MYBBP1A: variants seen among roughly 807,000 people sequenced by gnomAD.
MYBBP1A encodes the protein myb-binding protein 1A.
MYBBP1A carries 147 observed loss-of-function variants against 136.3 expected under a neutral mutation model. The observed-to-expected ratio is 1.08, with a 90% CI of 0.94 to 1.24. MYBBP1A has a LOEUF of 1.24. MYBBP1A is among the 50% of genes most tolerant of loss of function. The pLI is 0.00. For missense variants in MYBBP1A, 2,060 were observed against 1,727.4 expected (o/e 1.19, Z -3.41); for synonymous variants, 947 against 735.8 (o/e 1.29, Z -4.65).
chr17:4,545,183 G>A lies in MYBBP1A; in HGVS notation c.2161-8C>T. 2 of 1,613,208 alleles carry A rather than the reference G, an allele frequency of 1.2e-6. No homozygotes were observed. The highest frequency in any genetic ancestry group is 1.7e-6 in the Non-Finnish European group (2 of 1,179,942). Reference sequence around the variant, plus strand: ...ACCTTCCTCGCTCTTGTCCTGTGTGGTAGAGGCAGGCGCGTCACACACCTC... The same window carrying A: ...ACCTTCCTCGCTCTTGTCCTGTGTGATAGAGGCAGGCGCGTCACACACCTC... On this transcript the variant is annotated splice_region_variant and splice_polypyrimidine_tract_variant and intron_variant, in intron 16 of 25. Coordinates refer to ENST00000254718, the MANE Select transcript of MYBBP1A (RefSeq NM_014520.4).
At position 4,548,471 on chromosome 17, in the gene MYBBP1A, C is replaced by T. The variant is rs756634124; in HGVS notation, c.1556+53G>A. ...GCTTAGGGGACCTGGAGGGAGCAGG[C>T]GCCCTCAAGGCCTTCCCACCTTCGG... On this transcript the variant is annotated intron_variant, in intron 11 of 25. Coordinates refer to ENST00000254718, the MANE Select transcript of MYBBP1A (RefSeq NM_014520.4). The surrounding 1 kb of genome is among the most constrained non-coding windows in gnomAD (Gnocchi z 4.2). 15 of 1,612,328 alleles carry T rather than the reference C, an allele frequency of 9.3e-6. No homozygotes were observed. Among genetic ancestry groups the T allele is most frequent in the East Asian group, 8.9e-5 (4 of 44,882 alleles).
At chr17:4,540,560 C>A in intron 24 of MYBBP1A, 76 bp from the exon 25 acceptor site, 2 of 1,463,152 alleles carry the variant, frequency 1.4e-6, no homozygotes. Flanking sequence ...CTTCCCACCT[C>A]TGCCCTGTTG....
At chr17:4,540,232 G>A in intron 25 of MYBBP1A, 116 bp downstream of exon 25, 1 of 1,371,374 alleles carries the variant, frequency 7.3e-7, no homozygotes, top group Non-Finnish European at 9.8e-7. Context: ...GTGTGCAGCA[G>A]CATGCGTGTG....
rs773733482 is a variant in MYBBP1A at position 4,549,398 on chromosome 17, C to A, written c.1364G>T (p.Arg455Leu). The change falls in exon 10 of 26, where the codon CGA (arginine) becomes CTA (leucine). Residue 455 changes from arginine (R) to leucine (L), a missense_variant. Physicochemically the swap from Arg to Leu is moderately radical, Grantham distance 102. Transcript: ENST00000254718. ...CAGGCTGTCCACAATGCTCACCAAT[C>A]GAAAGATGATCCATTTCCTCAGCCG... The part of the protein sequence containing the change: ...VFRLRKWIIF[R>L]LVSIVDSLHL... 2.5e-6 allele frequency: 4 copies of A among 1,613,210 alleles called. No homozygotes were observed. The highest frequency in any genetic ancestry group is 2.2e-5 in the East Asian group (1 of 44,892).
In MYBBP1A at chr17:4,554,902, G is replaced by A; in HGVS notation, c.253C>T (p.Arg85Ter). The A allele has an allele frequency of 6.2e-7, 1 of 1,613,448 alleles. No individual in the cohort carries two copies. Among genetic ancestry groups the A allele is most frequent in the Non-Finnish European group, 8.5e-7 (1 of 1,180,014 alleles). The change falls in exon 2 of 26, where the codon CGA (arginine) becomes TGA (stop). Residue 85 changes from arginine (R) to a stop codon, truncating the protein, a stop_gained. Transcript: ENST00000254718. LOFTEE classifies it high-confidence loss of function. ...CTGTAGCAGGGCCGGGCTGTTTCTCGCCCGACCCCGAGTCCCGTGATTAGA... is the reference window on the plus strand; with the variant it reads ...CTGTAGCAGGGCCGGGCTGTTTCTCACCCGACCCCGAGTCCCGTGATTAGA... ...KRLITGLGVG[R>*]ETARPCYSLA...
chr17:4,541,964 C>A, intron 22 of MYBBP1A, 73 bp from the exon 23 acceptor site: 1 of 1,210,614 alleles, frequency 8.3e-7, no homozygotes, highest in Admixed American at 1.9e-5. Context: ...TGCATGAGGG[C>A]TCGGGGGCCC....
intron 2 of MYBBP1A, 119 bp from the exon 3 acceptor site, chr17:4,554,397 C>T (rs994920786): frequency 1.3e-6 from 1 of 788,884 alleles, no homozygotes; most frequent in Non-Finnish European, 2.1e-6. Flanking sequence ...GGTCCCTAGT[C>T]CCACCTTCTA....
intron 25 of MYBBP1A, among the ~76,000 whole-genome samples, 190 bp downstream of exon 25, chr17:4,540,158 C>CCCCTGGGTCCTGCGAGGG (rs1278811291): frequency 8.0e-6 from 1 of 124,978 alleles, no homozygotes; most frequent in African/African-American, 4.0e-5. Flanking sequence ...TCCTGCGAGG[C>CCCCTGGGTCCTGCGAGGG]TCCTGCGAGG....
rs769041923 is a variant in MYBBP1A at position 4,543,184 on chromosome 17, A to G, written c.2640-19T>C. On this transcript the variant is annotated intron_variant, in intron 19 of 25. Transcript: ENST00000254718. ...GTGGTGCCTGTGGGTGGTGAGGACGAGAGCTGGTCAGAACATTCTCGGTCC... is the reference window on the plus strand; with the variant it reads ...GTGGTGCCTGTGGGTGGTGAGGACGGGAGCTGGTCAGAACATTCTCGGTCC... 2.5e-6 allele frequency: 4 copies of G among 1,587,324 alleles called. No individual in the cohort carries two copies. The East Asian group carries it at 6.7e-5, about 27-fold the overall frequency.
At position 4,545,128 on chromosome 17, in the gene MYBBP1A, CTCTTCACTCTCT is replaced by C. The variant is rs1265345362; in HGVS notation, c.2196_2207del (p.Glu736_Glu739del). The stretch of plus-strand genomic sequence containing the variant: ...CCTCGCTCTCCTCCCCCTCGCTCTC[CTCTTCACTCTCT>C]GAGCTTCTGTTGTCCTCACCTTCCT... On this transcript the variant is annotated inframe_deletion, in exon 17 of 26. Transcript: ENST00000254718. 1.2e-6 allele frequency: 2 copies of C among 1,612,858 alleles called. No individual in the cohort carries two copies. Among genetic ancestry groups the C allele is most frequent in the African/African-American group, 1.3e-5 (1 of 74,882 alleles).
At position 4,538,935 on chromosome 17, in the gene MYBBP1A, C is replaced by T. The variant is rs1368227387; in HGVS notation, c.*480G>A. 1.3e-6 allele frequency: 1 copy of T among 783,314 alleles called. No homozygotes were observed. Among genetic ancestry groups the T allele is most frequent in the South Asian group, 1.3e-5 (1 of 74,656 alleles). The allele number at this position is 783,314 out of a possible 1,614,324, so 48.5% of individuals were successfully genotyped here. ...CCTCTTCCTTCCGGAAGCCAAACTG[C>T]TCCTTTATTTTTTAGAGCTGCTGAT... is the stretch of plus-strand genomic sequence containing the variant. On this transcript the variant is annotated 3_prime_UTR_variant, in exon 26 of 26. Transcript: ENST00000254718.
chr17:4,555,008 C>T (rs1229795866), intron 1 of MYBBP1A, 52 bp from the exon 2 acceptor site: 5 of 1,601,782 alleles, frequency 3.1e-6, no homozygotes, highest in Non-Finnish European at 4.3e-6. Flanking sequence ...AGGTGCACGC[C>T]CCCGCGCACC....
chr17:4,552,093 G>A lies in MYBBP1A; in HGVS notation c.905+32C>T. The A allele has an allele frequency of 3.1e-6, 5 of 1,605,290 alleles. No homozygotes were observed. Among genetic ancestry groups the A allele is most frequent in the Non-Finnish European group, 4.3e-6 (5 of 1,175,028 alleles). On this transcript the variant is annotated intron_variant, in intron 7 of 25. Transcript: ENST00000254718. This position sits in a 1 kb window ranked among gnomAD's most constrained non-coding sequence, Gnocchi z 4.7. ...CCTAGCCCACTTCACGGACAGGGAA[G>A]GGGGCCGAGAGAGGACACGCGTCGC...
chr17:4,542,772 C>A (rs1906572485), intron 20 of MYBBP1A, 31 bp from the exon 21 acceptor site: 22 of 1,609,922 alleles, frequency 1.4e-5, no homozygotes, highest in Non-Finnish European at 1.8e-5. Flanking sequence ...CTGGGTGAGG[C>A]CAGGAGAGGG....
intron 24 of MYBBP1A, 55 bp downstream of exon 24, chr17:4,541,408 C>T (rs2144422810): frequency 1.3e-6 from 2 of 1,512,220 alleles, no homozygotes; most frequent in East Asian, 2.3e-5. Flanking sequence ...GCCGGGAGGC[C>T]CCAAGGCCCC....
In MYBBP1A at chr17:4,555,351, A is replaced by G; in HGVS notation, c.-27T>C. Reference sequence around the variant, plus strand: ...TCCGCCACACTCACCGAAACACGAAACACGTGTGCTCCGGCCCCAGCCGCT... The same window carrying G: ...TCCGCCACACTCACCGAAACACGAAGCACGTGTGCTCCGGCCCCAGCCGCT... On this transcript the variant is annotated 5_prime_UTR_variant, in exon 1 of 26. Coordinates refer to ENST00000254718, the MANE Select transcript of MYBBP1A (RefSeq NM_014520.4). The G allele has an allele frequency of 6.3e-7, 1 of 1,577,278 alleles. No homozygotes were observed. The highest frequency in any genetic ancestry group is 1.2e-5 in the South Asian group (1 of 86,614).
rs763180085 is a variant in MYBBP1A, at chr17:4,555,140, C to A, written c.185G>T (p.Arg62Leu). 2 of 1,594,672 alleles carry A rather than the reference C, an allele frequency of 1.3e-6. No homozygotes were observed. Among genetic ancestry groups the A allele is most frequent in the South Asian group, 2.3e-5 (2 of 88,666 alleles). ...CCGCCACTCCACCTTCGGCCTGCCA[C>A]GCAGATACTCCAGCAGCTTCTCCGT... is the stretch of plus-strand genomic sequence containing the variant. Reference protein sequence around the residue: ...AATEKLLEYLRGRPKGSEMKY... With the variant: ...AATEKLLEYLLGRPKGSEMKY... The change falls in exon 1 of 26, where the codon CGT (arginine) becomes CTT (leucine). Residue 62 changes from arginine to leucine, a missense_variant. Physicochemically the swap from Arg to Leu is moderately radical, Grantham distance 102 (BLOSUM62 -2). Transcript: ENST00000254718.
In MYBBP1A at chr17:4,543,597, C is replaced by G. The variant is rs547266254; in HGVS notation, c.2640-432G>C. Among the ~76,000 whole-genome samples, 3 of 152,276 alleles carry G rather than the reference C, an allele frequency of 2.0e-5. No homozygotes were observed. In the South Asian group the frequency reaches 6.2e-4, roughly 32 times the overall value. ...TGCTCAACAAACGACACTGTCCACG[C>G]ACGCTGGCAGAACTATCTGAGAAGG... On this transcript the variant is annotated intron_variant, in intron 19 of 25. Transcript: ENST00000254718.
chr17:4,542,127 TGG>T (rs1906491340), intron 22 of MYBBP1A: 1 of 587,916 alleles, frequency 1.7e-6, no homozygotes, highest in Non-Finnish European at 3.0e-6. Flanking sequence ...TGCCCATTAT[TGG>T]CTTAGTGCCA....
Sources: allele counts gnomAD v4.1 joint callset (sites outside exome capture counted in the v4.1 genomes callset), GRCh38; gene constraint gnomAD v4.1.1; non-coding constraint Gnocchi (gnomAD v3.1); transcripts MANE v1.5; gene names NCBI Gene and HGNC (gene_info 2026-07-23, HGNC 2026-07-21).